Variants in CAGE1 observed in about 807,000 individuals in gnomAD.
CAGE1 encodes cancer antigen 1.
CAGE1 carries 66 observed loss-of-function variants against 94.9 expected under a neutral mutation model. The observed-to-expected ratio is 0.70, with a 90% CI of 0.57 to 0.85. The LOEUF (loss-of-function observed/expected upper bound fraction) is 0.85, where lower values mean the gene tolerates loss of function less well. Ranked by LOEUF, CAGE1 falls within the 40% of genes least tolerant of loss-of-function variation. The pLI, the probability that CAGE1 is intolerant of heterozygous loss-of-function variation, is 0.00. For synonymous variants in CAGE1, 319 were observed against 321.0 expected (o/e 0.99, Z 0.07); for missense variants, 865 against 950.4 (o/e 0.91, Z 1.18).
chr6:7,335,873 A>T (rs996355351), intron 11 of CAGE1, among the ~76,000 whole-genome samples: 7 of 152,352 alleles, frequency 4.6e-5, no homozygotes, highest in African/African-American at 1.7e-4. Context: ...CACCATGCTC[A>T]GCCTACTTTT....
At chr6:7,350,490 A>G (rs1561855098) in intron 11 of CAGE1, among the ~76,000 whole-genome samples, 1 of 152,226 alleles carries the variant, frequency 6.6e-6, no homozygotes, top group Non-Finnish European at 1.5e-5. Context: ...ATTTTCTCCA[A>G]AATAGACCAT....
intron 9 of CAGE1, among the ~76,000 whole-genome samples, chr6:7,360,138 C>A (rs987583823): frequency 6.6e-6 from 1 of 152,190 alleles, no homozygotes; most frequent in African/African-American, 2.4e-5. Context: ...GAAAGGTCCT[C>A]TACTTTTAAG....
intron 5 of CAGE1, 22 bp from the exon 6 acceptor site, chr6:7,370,087 T>A: frequency 6.5e-7 from 1 of 1,547,866 alleles, no homozygotes; most frequent in Non-Finnish European, 8.7e-7. Flanking sequence ...TAATTCAGAT[T>A]TGTCAAAATA....
rs188643798 is a variant in CAGE1 at position 7,355,723 on chromosome 6, C to T, written c.2298+302G>A. On this transcript the variant is annotated intron_variant, in intron 10 of 13. Transcript: ENST00000502583. ...TTCTGTAAGGCAGTTTGTACCAGGC[C>T]GGGAACAGTGTCTCAGGTCTGCAAT... Among the ~76,000 whole-genome samples, 31 of 152,270 alleles carry T rather than the reference C, an allele frequency of 2.0e-4. No individual in the cohort carries two copies. The South Asian group carries it at 5.6e-3, about 27-fold the overall frequency.
intron 2 of CAGE1, among the ~76,000 whole-genome samples, chr6:7,386,172 T>A (rs1397286432): frequency 1.3e-5 from 2 of 151,884 alleles, no homozygotes; most frequent in African/African-American, 2.4e-5. Flanking sequence ...TATGTATTGA[T>A]AATTATTTGA....
intron 4 of CAGE1, among the ~76,000 whole-genome samples, chr6:7,377,080 G>C (rs1581696149): frequency 6.6e-6 from 1 of 152,106 alleles, no homozygotes; most frequent in East Asian, 1.9e-4. Context: ...ATAGTTGCAA[G>C]TTCACATTTA....
chr6:7,334,254 A>G (rs1758871617), intron 11 of CAGE1, among the ~76,000 whole-genome samples, 164 bp from the exon 12 acceptor site: 1 of 152,194 alleles, frequency 6.6e-6, no homozygotes, highest in Non-Finnish European at 1.5e-5. Context: ...TTTCCTAGCA[A>G]CTCAAAATTA....
chr6:7,359,208 G>A (rs1760086939), intron 9 of CAGE1, among the ~76,000 whole-genome samples: 1 of 152,082 alleles, frequency 6.6e-6, no homozygotes, highest in Non-Finnish European at 1.5e-5. Flanking sequence ...CACCATGCCC[G>A]GCTAATTTTG....
chr6:7,333,079 T>C (rs1203525021), intron 12 of CAGE1, among the ~76,000 whole-genome samples: 1 of 151,988 alleles, frequency 6.6e-6, no homozygotes, highest in Non-Finnish European at 1.5e-5. Context: ...GCCTCCTGAG[T>C]AGCTGGGATT....
At chr6:7,375,410 A>G (rs903286401) in intron 4 of CAGE1, among the ~76,000 whole-genome samples, 1 of 152,108 alleles carries the variant, frequency 6.6e-6, no homozygotes, top group African/African-American at 2.4e-5. Flanking sequence ...CTCTGTCTCA[A>G]AAAAACAAAA....
intron 4 of CAGE1, among the ~76,000 whole-genome samples, chr6:7,375,746 T>C (rs1760719689): frequency 6.6e-6 from 1 of 152,090 alleles, no homozygotes; most frequent in East Asian, 1.9e-4. Context: ...AAAAACCCAG[T>C]AAAAGGTATC....
rs114520124 is a variant in CAGE1 at position 7,366,378 on chromosome 6, C to T, written c.2005-494G>A. Reference sequence around the variant, plus strand: ...CCAAGACTGCTAGGCTTAGAGAGGCCTGCTGGCAAGGCTGCCCCATGACTG... The same window carrying T: ...CCAAGACTGCTAGGCTTAGAGAGGCTTGCTGGCAAGGCTGCCCCATGACTG... On this transcript the variant is annotated intron_variant, in intron 7 of 13. Transcript: ENST00000502583. Among the ~76,000 whole-genome samples, 399 of 152,256 alleles carry T rather than the reference C, an allele frequency of 2.6e-3. 3 individuals are homozygous for T. The highest frequency in any genetic ancestry group is 9.1e-3 in the African/African-American group (379 of 41,560).
chr6:7,348,707 T>C (rs1759655422), intron 11 of CAGE1, among the ~76,000 whole-genome samples: 1 of 151,844 alleles, frequency 6.6e-6, no homozygotes, highest in Non-Finnish European at 1.5e-5. Context: ...AGGAAATAGA[T>C]AGCATAAAGA....
chr6:7,329,880 C>T lies in CAGE1; in HGVS notation c.2447G>A (p.Ser816Asn). The change falls in exon 13 of 14, where the codon AGC (serine) becomes AAC (asparagine). Residue 816 changes from serine to asparagine, a missense_variant. By Grantham distance (46) the Ser-to-Asn change is conservative. Coordinates refer to ENST00000502583, the MANE Select transcript of CAGE1 (RefSeq NM_001170692.2). The stretch of plus-strand genomic sequence containing the variant: ...CATGGACTTCGGATGATTTTCTAAG[C>T]TTTTTGATCTGTAAGAAATAGAAAG... ...REKARKPRSKSLENHPKSMTM... is the reference protein window; with the variant it reads ...REKARKPRSKNLENHPKSMTM... 8 of 1,432,968 alleles carry T rather than the reference C, an allele frequency of 5.6e-6. No homozygotes were observed. The highest frequency in any genetic ancestry group is 2.4e-5 in the South Asian group (2 of 82,256). The allele number at this position is 1,432,968 out of a possible 1,614,324, so 88.8% of individuals were successfully genotyped here.
intron 5 of CAGE1, among the ~76,000 whole-genome samples, chr6:7,372,671 CT>C (rs1214632875): frequency 6.6e-6 from 1 of 151,770 alleles, no homozygotes; most frequent in African/African-American, 2.4e-5. Context: ...TTTCTTTTTT[CT>C]TTTTTTCTTT....
At chr6:7,359,090 A>T (rs1259975166) in intron 9 of CAGE1, among the ~76,000 whole-genome samples, 2 of 151,834 alleles carry the variant, frequency 1.3e-5, no homozygotes, top group African/African-American at 4.8e-5. Context: ...CTTGTTGCCC[A>T]GGCTGGAGTG....
At chr6:7,338,399 T>G (rs1436780146) in intron 11 of CAGE1, among the ~76,000 whole-genome samples, 1 of 152,236 alleles carries the variant, frequency 6.6e-6, no homozygotes, top group African/African-American at 2.4e-5. Context: ...CTCTTTGTCC[T>G]TATTGAGACA....
At position 7,329,813 on chromosome 6, in the gene CAGE1, G is replaced by T. The variant is rs1758681918; in HGVS notation, c.2478+36C>A. 7.4e-6 allele frequency: 8 copies of T among 1,085,106 alleles called. No individual in the cohort carries two copies. In the East Asian group the frequency reaches 1.7e-4, roughly 23 times the overall value. The allele number at this position is 1,085,106 out of a possible 1,614,324, so 67.2% of individuals were successfully genotyped here. On this transcript the variant is annotated intron_variant, in intron 13 of 13. Transcript: ENST00000502583. ...TGTTATTGTCAAATTACATGGAAAT[G>T]TAAGATTCTTTATCATGATCATCAA...
chr6:7,356,057 A>T lies in CAGE1; in HGVS notation c.2266T>A (p.Tyr756Asn). 6.5e-7 allele frequency: 1 copy of T among 1,548,810 alleles called. No individual in the cohort carries two copies. Residue 756 changes from tyrosine to asparagine, a missense_variant, in exon 10 of 14, where the codon TAT (tyrosine) becomes AAT (asparagine). Transcript: ENST00000502583. ...ATTAAGTTGCCTAAATGTCTTTGAT[A>T]CTTGTCATTTTCTTCAATGAGTCTG... ...CNRLIEENDKYQRHLGNLIKK... is the reference protein window; with the variant it reads ...CNRLIEENDKNQRHLGNLIKK...
Sources: allele counts gnomAD v4.1 joint callset (sites outside exome capture counted in the v4.1 genomes callset), GRCh38; gene constraint gnomAD v4.1.1; transcripts MANE v1.5; gene names NCBI Gene and HGNC (gene_info 2026-07-23, HGNC 2026-07-21).